Variants in FHAD1 observed in about 807,000 individuals in gnomAD.
The protein encoded by FHAD1 is forkhead associated phosphopeptide binding domain 1, also known as forkhead-associated domain-containing protein 1.
A neutral mutation model predicts 191.3 loss-of-function variants in FHAD1; 146 were observed. That is an observed-to-expected ratio of 0.76 (90% CI 0.67 to 0.88). The LOEUF is 0.88. FHAD1 is among the 40% of genes least tolerant of loss of function. FHAD1 has a pLI of 0.00. For synonymous variants in FHAD1, 616 were observed against 672.3 expected, an observed-to-expected ratio of 0.92 and a Z score of 1.29; for missense variants, 1,635 against 1,785.8, an observed-to-expected ratio of 0.92 and a Z score of 1.52.
chr1:15,345,716 A>C (rs937213307), intron 18 of FHAD1, 193 bp downstream of exon 18: 1 of 599,438 alleles, frequency 1.7e-6, no homozygotes, highest in Non-Finnish European at 3.0e-6. Flanking sequence ...AGCCTTGACA[A>C]CCAGTTGGGA....
At chr1:15,254,941 T>C (rs1403576381) in intron 2 of FHAD1, among the ~76,000 whole-genome samples, 1 of 152,230 alleles carries the variant, frequency 6.6e-6, no homozygotes, top group Non-Finnish European at 1.5e-5. Context: ...GAAAATATTT[T>C]ATAAGACAAG....
chr1:15,365,902 C>T lies in FHAD1; in HGVS notation c.3123C>T (p.Thr1041=), dbSNP rs1453283065. The T allele has an allele frequency of 1.2e-5, 19 of 1,551,352 alleles. No individual in the cohort carries two copies. The highest frequency in any genetic ancestry group is 2.4e-5 in the East Asian group (1 of 40,914). Residue 1041 remains threonine (T), a synonymous_variant, in exon 24 of 34, where the codon ACC becomes ACT. Transcript: ENST00000688493. ...EVIMKLRKDL[T]EAHSRMSDLR... Reference sequence around the variant, plus strand: ...TCATGAAGTTAAGGAAAGACCTTACCGAAGCCCACAGCAGAATGTCGGATT... The same window carrying T: ...TCATGAAGTTAAGGAAAGACCTTACTGAAGCCCACAGCAGAATGTCGGATT...
chr1:15,382,195 T>A lies in FHAD1; in HGVS notation c.4188+2T>A. 6.4e-7 allele frequency: 1 copy of A among 1,550,454 alleles called. No homozygotes were observed. The highest frequency in any genetic ancestry group is 1.4e-5 in the African/African-American group (1 of 73,092). ...AACAGGGCCATCCGGCAGCAGAAGGTGAGGCGCTGCTGCCCAGGGCAGAAC... is the reference window on the plus strand; with the variant it reads ...AACAGGGCCATCCGGCAGCAGAAGGAGAGGCGCTGCTGCCCAGGGCAGAAC... On this transcript the variant is annotated splice_donor_variant, in intron 31 of 33. Transcript: ENST00000688493. LOFTEE classifies it high-confidence loss of function.
rs902788998 is a variant in FHAD1, at chr1:15,388,121, AAGAC to A, written c.4262_4265del (p.Asp1421GlyfsTer7). 1.9e-5 allele frequency: 25 copies of A among 1,289,656 alleles called. No individual in the cohort carries two copies. The highest frequency in any genetic ancestry group is 1.7e-4 in the African/African-American group (11 of 65,938). The allele number at this position is 1,289,656 out of a possible 1,614,324, so 79.9% of individuals were successfully genotyped here. ...CCTTGCAACTGTGCCTTCAAAGAGA[AAGAC>A]AGGCAGGTATGGGAGGTGTTCTGAT... On this transcript the variant is annotated frameshift_variant, in exon 32 of 34. Transcript: ENST00000688493. LOFTEE classifies it high-confidence loss of function.
chr1:15,341,627 G>A (rs1686715632), intron 15 of FHAD1, 109 bp from the exon 16 acceptor site: 1 of 900,926 alleles, frequency 1.1e-6, no homozygotes, highest in African/African-American at 1.7e-5. Context: ...AGAAACTTTT[G>A]GGTAAACCTT....
chr1:15,237,768 C>G (rs1644937392), intron 1 of FHAD1, among the ~76,000 whole-genome samples: 1 of 149,356 alleles, frequency 6.7e-6, no homozygotes, highest in Non-Finnish European at 1.5e-5. Context: ...CAGTTGTTCT[C>G]GAGAAAAGAG....
At chr1:15,253,083 T>A (rs954748603) in intron 2 of FHAD1, among the ~76,000 whole-genome samples, 3 of 151,972 alleles carry the variant, frequency 2.0e-5, no homozygotes, top group Admixed American at 6.6e-5. Context: ...CCACCCAGTT[T>A]CCTCCAGTGG....
chr1:15,330,610 T>C (rs1680858073), intron 14 of FHAD1, among the ~76,000 whole-genome samples: 1 of 152,036 alleles, frequency 6.6e-6, no homozygotes, highest in South Asian at 2.1e-4. Context: ...AAGTGCAGGG[T>C]TCGATCTGGT....
At chr1:15,347,410 C>CG (rs1006673171) in intron 18 of FHAD1, among the ~76,000 whole-genome samples, 19 of 152,322 alleles carry the variant, frequency 1.2e-4, no homozygotes, top group African/African-American at 4.6e-4. Context: ...GGCTTCCTAT[C>CG]GGGGGAATTT....
At chr1:15,373,031 G>T (rs1482500724) in intron 26 of FHAD1, among the ~76,000 whole-genome samples, 1 of 152,154 alleles carries the variant, frequency 6.6e-6, no homozygotes, top group African/African-American at 2.4e-5. Flanking sequence ...TCAATAAATC[G>T]ATGTGAGATG....
In FHAD1 at chr1:15,373,373, G is replaced by A. The variant is rs371445218; in HGVS notation, c.3448-1129G>A. Among the ~76,000 whole-genome samples, 59 of 152,080 alleles carry A rather than the reference G, an allele frequency of 3.9e-4. No homozygotes were observed. In the East Asian group the frequency reaches 7.3e-3, roughly 19 times the overall value. On this transcript the variant is annotated intron_variant, in intron 26 of 33. Transcript: ENST00000688493. ...ACAACACACAAAAAATTAGCTGAGC[G>A]TGGTGGCATGCACCTGTAATCCCAG...
chr1:15,362,669 C>T lies in FHAD1; in HGVS notation c.2990C>T (p.Pro997Leu), dbSNP rs1348870547. 13 of 1,551,706 alleles carry T rather than the reference C, an allele frequency of 8.4e-6. No individual in the cohort carries two copies. The highest frequency in any genetic ancestry group is 2.4e-5 in the East Asian group (1 of 40,936). ...PAPKEERPQD[P>L]LVAPMTESSA... ...CCAAAGGAGGAAAGGCCGCAAGACC[C>T]TCTGGTGGCTCCCATGACAGAGAGC... The change falls in exon 23 of 34, where the codon CCT (proline) becomes CTT (leucine). Residue 997 changes from proline to leucine, a missense_variant. Pro to Leu is a moderately conservative substitution (Grantham distance 98, BLOSUM62 -3). Transcript: ENST00000688493.
intron 5 of FHAD1, among the ~76,000 whole-genome samples, chr1:15,299,475 C>T (rs965258266): frequency 6.6e-6 from 1 of 152,206 alleles, no homozygotes; most frequent in African/African-American, 2.4e-5. Context: ...GCAAGAGCTT[C>T]TTCCTCTTTT....
chr1:15,307,856 G>A (rs573609010), intron 6 of FHAD1, among the ~76,000 whole-genome samples: 17 of 151,750 alleles, frequency 1.1e-4, no homozygotes, highest in African/African-American at 2.2e-4. Context: ...TCAGCCTCCC[G>A]AGTAGCTGGG....
At chr1:15,305,488 C>G (rs965491309) in intron 6 of FHAD1, among the ~76,000 whole-genome samples, 2 of 152,118 alleles carry the variant, frequency 1.3e-5, no homozygotes, top group Non-Finnish European at 2.9e-5. Context: ...CCGTGCAATC[C>G]CAAGCAAGCA....
intron 2 of FHAD1, among the ~76,000 whole-genome samples, chr1:15,264,309 T>C (rs1652468431): frequency 6.6e-6 from 1 of 152,194 alleles, no homozygotes; most frequent in South Asian, 2.1e-4. Context: ...TTTAATTTCT[T>C]TCGGCAACAT....
intron 5 of FHAD1, 21 bp downstream of exon 5, chr1:15,296,814 A>C: frequency 6.5e-7 from 1 of 1,540,934 alleles, no homozygotes; most frequent in Non-Finnish European, 8.8e-7. Flanking sequence ...GGTCTGGGGA[A>C]GGGTGGAGCT....
upstream of FHAD1, among the ~76,000 whole-genome samples, chr1:15,242,859 G>A (rs1433736707): frequency 6.6e-6 from 1 of 152,166 alleles, no homozygotes; most frequent in Non-Finnish European, 1.5e-5. Context: ...GAGCCATTCA[G>A]TTGTACCAGC....
rs1700928967 is a variant in FHAD1 at position 15,381,648 on chromosome 1, T to C, written c.4022+197T>C. 6.6e-6 allele frequency among the ~76,000 whole-genome samples: 1 copy of C among 152,080 alleles called. No homozygotes were observed. Among genetic ancestry groups the C allele is most frequent in the South Asian group, 2.1e-4 (1 of 4,812 alleles). On this transcript the variant is annotated intron_variant, in intron 30 of 33. Transcript: ENST00000688493. This position sits in a 1 kb window ranked among gnomAD's most constrained non-coding sequence, Gnocchi z 4.6. The stretch of plus-strand genomic sequence containing the variant: ...GGAATTCTGTCCCCGAGATCACGGC[T>C]GCAGAAGTGCACGGTTTCCCCATTC...
Sources: allele counts gnomAD v4.1 joint callset (sites outside exome capture counted in the v4.1 genomes callset), GRCh38; gene constraint gnomAD v4.1.1; non-coding constraint Gnocchi (gnomAD v3.1); transcripts MANE v1.5; gene names NCBI Gene and HGNC (gene_info 2026-07-23, HGNC 2026-07-21).